INPP5A: variants seen among roughly 807,000 people sequenced by gnomAD.
INPP5A encodes the protein inositol polyphosphate-5-phosphatase A, also known as 43 kDa inositol polyphosphate 5-phophatase.
INPP5A carries 14 observed loss-of-function variants against 65.2 expected under a neutral mutation model. The ratio of observed to expected loss-of-function variants is 0.21; its 90% CI spans 0.14 to 0.34. INPP5A has a LOEUF of 0.34. Ranked by LOEUF, INPP5A falls within the 10% of genes least tolerant of loss-of-function variation. The pLI is 1.00. For missense variants in INPP5A, 431 were observed against 545.6 expected, an observed-to-expected ratio of 0.79 and a Z score of 2.09; for synonymous variants, 207 against 208.3, an observed-to-expected ratio of 0.99 and a Z score of 0.05.
chr10:132,678,524 T>C lies in INPP5A; in HGVS notation c.307-11868T>C, dbSNP rs940743024. Among the ~76,000 whole-genome samples, 2 of 152,204 alleles carry C rather than the reference T, an allele frequency of 1.3e-5. No homozygotes were observed. Among genetic ancestry groups the C allele is most frequent in the African/African-American group, 4.8e-5 (2 of 41,456 alleles). ...CGTGAACCTGTGCCTTGGGTTGTGC[T>C]TTGAGACCTGAGCTGAGGGTTCTGT... is the stretch of plus-strand genomic sequence containing the variant. On this transcript the variant is annotated intron_variant, in intron 4 of 15. Coordinates refer to ENST00000368594, the MANE Select transcript of INPP5A (RefSeq NM_005539.5). The surrounding 1 kb of genome is among the most constrained non-coding windows in gnomAD (Gnocchi z 4.1).
chr10:132,583,849 A>AG lies in INPP5A; in HGVS notation c.76-24060dup, dbSNP rs1293237482. ...GTAATCCCAGCACTTTTGGAGGCCAAGGGGGGCGGATAGCTTGAGCCCAGG... is the reference window on the plus strand; with the variant it reads ...GTAATCCCAGCACTTTTGGAGGCCAAGGGGGGGCGGATAGCTTGAGCCCAGG... On this transcript the variant is annotated intron_variant, in intron 1 of 15. Transcript: ENST00000368594. Among the ~76,000 whole-genome samples the AG allele has an allele frequency of 3.9e-5, 6 of 152,300 alleles. No individual in the cohort carries two copies. The Middle Eastern group carries it at 0.01, about 259-fold the overall frequency.
At chr10:132,573,987 A>G (rs2814441) in intron 1 of INPP5A, among the ~76,000 whole-genome samples, 1,507 of 37,498 alleles carry the variant, frequency 0.04, no homozygotes, top group Middle Eastern at 0.043. Context: ...GTTGGGGTGT[A>G]CGTGCCGTGG....
At chr10:132,710,943 ACT>A (rs1845626822) in intron 8 of INPP5A, among the ~76,000 whole-genome samples, 2 of 152,156 alleles carry the variant, frequency 1.3e-5, no homozygotes, top group Admixed American at 6.5e-5. Flanking sequence ...TGGGAGGCAC[ACT>A]CTGCTCTGCG....
rs930049939 is a variant in INPP5A at position 132,675,780 on chromosome 10, A to G, written c.307-14612A>G. Among the ~76,000 whole-genome samples the G allele has an allele frequency of 3.9e-5, 6 of 152,308 alleles. No homozygotes were observed. Among genetic ancestry groups the G allele is most frequent in the African/African-American group, 1.2e-4 (5 of 41,584 alleles). ...TAATATAATGGACATTTAAAACTCA[A>G]TTAAGGCTTTTGAGTAGAGTTTTAT... is the stretch of plus-strand genomic sequence containing the variant. On this transcript the variant is annotated intron_variant, in intron 4 of 15. Transcript: ENST00000368594. The surrounding 1 kb of genome is among the most constrained non-coding windows in gnomAD (Gnocchi z 4.2).
chr10:132,740,908 G>A (rs947957995), intron 9 of INPP5A, among the ~76,000 whole-genome samples: 1 of 152,140 alleles, frequency 6.6e-6, no homozygotes, highest in African/African-American at 2.4e-5. Flanking sequence ...GGAGGAGGAG[G>A]AGAGAAACCC....
chr10:132,730,020 C>T lies in INPP5A; in HGVS notation c.732+3115C>T, dbSNP rs571688715. ...CACCACCATAAGCCTCACCAGCTCC[C>T]GTCCTTCAGGAATTGAGTCGTCACT... On this transcript the variant is annotated intron_variant, in intron 9 of 15. Coordinates refer to ENST00000368594, the MANE Select transcript of INPP5A (RefSeq NM_005539.5). Among the ~76,000 whole-genome samples, 13 of 152,362 alleles carry T rather than the reference C, an allele frequency of 8.5e-5. No homozygotes were observed. In the East Asian group the frequency reaches 1.5e-3, roughly 18 times the overall value.
intron 11 of INPP5A, among the ~76,000 whole-genome samples, chr10:132,751,928 TA>T (rs1846489066): frequency 3.6e-5 from 5 of 140,162 alleles, no homozygotes; most frequent in Admixed American, 7.0e-5. Flanking sequence ...GGTGTCTGGG[TA>T]GAGGCGGGTG....
At position 132,760,015 on chromosome 10, in the gene INPP5A, C is replaced by T. The variant is rs543999515; in HGVS notation, c.904-5758C>T. On this transcript the variant is annotated intron_variant, in intron 11 of 15. Transcript: ENST00000368594. Reference sequence around the variant, plus strand: ...ACAGACCCCACGCCGTGGACCCTGGCGGCCAGAGGCAGGGATGACCCACCC... The same window carrying T: ...ACAGACCCCACGCCGTGGACCCTGGTGGCCAGAGGCAGGGATGACCCACCC... Among the ~76,000 whole-genome samples, 4 of 152,342 alleles carry T rather than the reference C, an allele frequency of 2.6e-5. No homozygotes were observed. The South Asian group carries it at 8.3e-4, about 32-fold the overall frequency.
intron 12 of INPP5A, among the ~76,000 whole-genome samples, chr10:132,766,155 T>G (rs920151454): frequency 6.6e-6 from 1 of 152,202 alleles, no homozygotes; most frequent in African/African-American, 2.4e-5. Flanking sequence ...CATCTGTGTG[T>G]GCACGTGTGT....
intron 4 of INPP5A, among the ~76,000 whole-genome samples, chr10:132,688,166 G>A (rs1011592832): frequency 2.6e-5 from 4 of 152,190 alleles, no homozygotes; most frequent in African/African-American, 9.6e-5. Flanking sequence ...TGACCCAGGG[G>A]CCCAGGGGGC....
intron 1 of INPP5A, among the ~76,000 whole-genome samples, chr10:132,606,591 A>G (rs1406137348): frequency 6.6e-6 from 1 of 152,194 alleles, no homozygotes; most frequent in Non-Finnish European, 1.5e-5. Flanking sequence ...TCATTAATTT[A>G]TCTAAAATTC....
At position 132,581,132 on chromosome 10, in the gene INPP5A, T is replaced by C. The variant is rs149834016; in HGVS notation, c.76-26783T>C. ...CATTCACAGATGCCCTCTCTCCATA[T>C]GGCTTCAGTCTCTTGCCAGACATTT... On this transcript the variant is annotated intron_variant, in intron 1 of 15. Transcript: ENST00000368594. 1.1e-4 allele frequency among the ~76,000 whole-genome samples: 16 copies of C among 152,334 alleles called. No homozygotes were observed. In the East Asian group the frequency reaches 2.9e-3, roughly 28 times the overall value.
chr10:132,777,986 A>G, intron 13 of INPP5A: 2 of 1,379,402 alleles, frequency 1.4e-6, no homozygotes, highest in East Asian at 5.1e-5. Context: ...GGGCAGCAGC[A>G]GATGGAGCCG....
At chr10:132,731,533 C>T (rs1195503824) in intron 9 of INPP5A, among the ~76,000 whole-genome samples, 4 of 152,210 alleles carry the variant, frequency 2.6e-5, no homozygotes, top group Non-Finnish European at 4.4e-5. Flanking sequence ...ACCCCTGCCT[C>T]GTATCAGACG....
rs956488020 is a variant in INPP5A, at chr10:132,549,738, C to T, written c.75+11567C>T. Among the ~76,000 whole-genome samples the T allele has an allele frequency of 6.6e-6, 1 of 152,168 alleles. No homozygotes were observed. The highest frequency in any genetic ancestry group is 1.5e-5 in the Non-Finnish European group (1 of 68,036). On this transcript the variant is annotated intron_variant, in intron 1 of 15. Transcript: ENST00000368594. The surrounding 1 kb of genome is among the most constrained non-coding windows in gnomAD (Gnocchi z 4.9). ...GCTCTGTGACACAGGTCGGGGCCAC[C>T]CAGCCCAGCCTGGGTTCCTGCAGCC...
chr10:132,608,038 G>T, intron 2 of INPP5A, 82 bp downstream of exon 2: 1 of 1,269,024 alleles, frequency 7.9e-7, no homozygotes, highest in Non-Finnish European at 1.1e-6. Context: ...CCTCCATGGA[G>T]TCTGGTGTGT....
intron 4 of INPP5A, among the ~76,000 whole-genome samples, chr10:132,657,148 C>T (rs1388279956): frequency 6.6e-6 from 1 of 152,242 alleles, no homozygotes; most frequent in Non-Finnish European, 1.5e-5. Flanking sequence ...CCTGCTCACT[C>T]AAGGCTCTTG....
At chr10:132,751,459 C>T (rs971724455) in intron 11 of INPP5A, among the ~76,000 whole-genome samples, 1 of 152,358 alleles carries the variant, frequency 6.6e-6, no homozygotes, top group Admixed American at 6.5e-5. Context: ...CTGGTGGGGC[C>T]GCCTGTCTGT....
Position 132,749,582 on chromosome 10 carries a change from C to A in INPP5A, c.798C>A (p.Leu266=). 6.2e-7 allele frequency: 1 copy of A among 1,613,016 alleles called. No individual in the cohort carries two copies. Among genetic ancestry groups the A allele is most frequent in the Non-Finnish European group, 8.5e-7 (1 of 1,180,004 alleles). Residue 266 remains leucine, a synonymous_variant, in exon 10 of 16, where the codon CTC becomes CTA. Coordinates refer to ENST00000368594, the MANE Select transcript of INPP5A (RefSeq NM_005539.5). The part of the protein sequence containing the change: ...RAADTNEVVK[L]IFRESDNDRK... ...CCGACACCAATGAAGTGGTGAAGCT[C>A]ATATTTCGTGAGTCGGACAACGACC...
Sources: gnomAD v4.1 joint callset for allele counts (sites outside exome capture counted in the v4.1 genomes callset) on GRCh38, gnomAD v4.1.1 for gene constraint, Gnocchi (gnomAD v3.1) non-coding constraint, MANE v1.5 for transcripts, NCBI Gene and HGNC (gene_info 2026-07-23, HGNC 2026-07-21) for gene names.